Variants in CCSER1 observed in about 807,000 individuals in gnomAD.
The protein encoded by CCSER1 is serine-rich coiled-coil domain-containing protein 1.
CCSER1 carries 41 observed loss-of-function variants against 82.0 expected under a neutral mutation model. The observed-to-expected ratio is 0.50, with a 90% CI of 0.39 to 0.65. The LOEUF is 0.65. Ranked by LOEUF, CCSER1 falls within the 30% of genes least tolerant of loss-of-function variation. The probability of loss-of-function intolerance (pLI) is 0.00; values close to 1 mark genes in which losing one functional copy is unlikely to be tolerated. For synonymous variants in CCSER1, 414 were observed against 383.9 expected (o/e 1.08, Z -0.92); for missense variants, 1,119 against 1,064.2 (o/e 1.05, Z -0.72).
At chr4:91,303,890 A>G (rs1744855600) in intron 10 of CCSER1, among the ~76,000 whole-genome samples, 1 of 152,082 alleles carries the variant, frequency 6.6e-6, no homozygotes, top group Non-Finnish European at 1.5e-5. Flanking sequence ...AACAGTTAAT[A>G]AGGGAAACTG....
intron 8 of CCSER1, among the ~76,000 whole-genome samples, chr4:90,831,202 A>T (rs1761071713): frequency 6.6e-6 from 1 of 152,142 alleles, no homozygotes; most frequent in South Asian, 2.1e-4. Context: ...AAGAGATGCC[A>T]TTATGGAGAA....
intron 10 of CCSER1, among the ~76,000 whole-genome samples, chr4:91,356,224 T>C (rs1748823094): frequency 6.6e-6 from 1 of 152,230 alleles, no homozygotes; most frequent in Non-Finnish European, 1.5e-5. Context: ...CCAACTGCCA[T>C]TTTTTCTCTT....
At chr4:90,793,399 C>G (rs1755537743) in intron 7 of CCSER1, among the ~76,000 whole-genome samples, 1 of 152,160 alleles carries the variant, frequency 6.6e-6, no homozygotes, top group South Asian at 2.1e-4. Context: ...GTGTTCTTAT[C>G]ATTTAGCTCC....
intron 1 of CCSER1, among the ~76,000 whole-genome samples, chr4:90,209,169 C>T (rs1739479171): frequency 6.6e-6 from 1 of 152,130 alleles, no homozygotes; most frequent in African/African-American, 2.4e-5. Flanking sequence ...CCTCCCTTCA[C>T]TGTATAAAGA....
At chr4:91,492,702 G>T (rs1305323077) in intron 10 of CCSER1, among the ~76,000 whole-genome samples, 2 of 152,024 alleles carry the variant, frequency 1.3e-5, no homozygotes, top group Non-Finnish European at 1.5e-5. Flanking sequence ...ATCCTCGGGG[G>T]CAATTTCTCT....
Position 90,429,358 on chromosome 4 carries a change from T to C in CCSER1, c.1603+29229T>C, listed in dbSNP as rs192317965. 9.2e-5 allele frequency among the ~76,000 whole-genome samples: 14 copies of C among 151,882 alleles called. No homozygotes were observed. The East Asian group carries it at 2.7e-3, about 29-fold the overall frequency. On this transcript the variant is annotated intron_variant, in intron 4 of 10. Transcript: ENST00000509176. ...TTTGGATGGCACAGTCTGTTGGCAA[T>C]CCATCAGAAGATAGTCATTTGAATT... is the stretch of plus-strand genomic sequence containing the variant.
intron 10 of CCSER1, among the ~76,000 whole-genome samples, chr4:91,521,859 T>G (rs975544386): frequency 2.0e-4 from 31 of 152,206 alleles, no homozygotes; most frequent in African/African-American, 7.0e-4. Flanking sequence ...CAGTTCCTTT[T>G]GCCGTGCAGA....
intron 10 of CCSER1, among the ~76,000 whole-genome samples, chr4:91,544,925 G>C (rs1189185216): frequency 2.6e-5 from 4 of 152,152 alleles, no homozygotes; most frequent in Non-Finnish European, 5.9e-5. Context: ...ACAGAGGCAG[G>C]CAGGCCTCCT....
chr4:90,493,870 T>C (rs1210269211), intron 5 of CCSER1, among the ~76,000 whole-genome samples: 6 of 152,084 alleles, frequency 3.9e-5, no homozygotes, highest in South Asian at 2.1e-4. Flanking sequence ...ATGAGCAAAA[T>C]AATCCGCTAA....
chr4:90,182,221 A>T (rs1035672520), intron 1 of CCSER1, among the ~76,000 whole-genome samples: 1 of 152,154 alleles, frequency 6.6e-6, no homozygotes, highest in African/African-American at 2.4e-5. Flanking sequence ...ATTATGAAAT[A>T]TGACTTCTTA....
At chr4:90,465,325 T>C in intron 4 of CCSER1, among the ~76,000 whole-genome samples, 2 of 149,288 alleles carry the variant, frequency 1.3e-5, no homozygotes, top group East Asian at 2.0e-4. Context: ...GTGTTCTTTT[T>C]TTTTTTTTTT....
At chr4:91,004,905 A>T (rs897452669) in intron 9 of CCSER1, among the ~76,000 whole-genome samples, 1 of 152,182 alleles carries the variant, frequency 6.6e-6, no homozygotes, top group African/African-American at 2.4e-5. Flanking sequence ...AGTCATAGAG[A>T]TCTTATTTCA....
chr4:91,025,948 G>A (rs1188039721), intron 9 of CCSER1, among the ~76,000 whole-genome samples: 1 of 152,098 alleles, frequency 6.6e-6, no homozygotes, highest in African/African-American at 2.4e-5. Flanking sequence ...GATGAAGAGG[G>A]ATGAACAATC....
intron 9 of CCSER1, among the ~76,000 whole-genome samples, chr4:91,041,816 A>G (rs1741978435): frequency 6.6e-6 from 1 of 152,212 alleles, no homozygotes; most frequent in African/African-American, 2.4e-5. Context: ...TTCTGTCCTC[A>G]GAAATAACTC....
intron 1 of CCSER1, among the ~76,000 whole-genome samples, chr4:90,280,257 A>G (rs569473726): frequency 6.6e-6 from 1 of 152,150 alleles, no homozygotes; most frequent in East Asian, 1.9e-4. Context: ...AACTGTAATG[A>G]TGAATTTTTG....
intron 7 of CCSER1, chr4:90,781,701 A>T (rs10440321): frequency 0.98 from 950,397 of 971,640 alleles, 464,867 homozygotes; most frequent in East Asian, 1. Flanking sequence ...CAATAAAAAT[A>T]TCTGCAATTT....
intron 1 of CCSER1, among the ~76,000 whole-genome samples, chr4:90,133,670 T>C (rs1346841581): frequency 6.6e-6 from 1 of 152,228 alleles, no homozygotes; most frequent in Non-Finnish European, 1.5e-5. Context: ...TGCTTCTCTA[T>C]TTCAATCATC....
intron 10 of CCSER1, among the ~76,000 whole-genome samples, chr4:91,388,714 C>A (rs1751463365): frequency 6.6e-6 from 1 of 152,010 alleles, no homozygotes; most frequent in Non-Finnish European, 1.5e-5. Context: ...TCCTTCCTAA[C>A]CTACATATCA....
chr4:90,709,376 C>T (rs1223380116), intron 6 of CCSER1, among the ~76,000 whole-genome samples: 1 of 152,002 alleles, frequency 6.6e-6, no homozygotes, highest in African/African-American at 2.4e-5. Context: ...CAGAGCATCC[C>T]ATCACCTAGG....
Sources: gnomAD v4.1 joint callset for allele counts (sites outside exome capture counted in the v4.1 genomes callset) on GRCh38, gnomAD v4.1.1 for gene constraint, MANE v1.5 for transcripts, NCBI Gene and HGNC (gene_info 2026-07-23, HGNC 2026-07-21) for gene names.